The following FGGY variants were observed in gnomAD, a reference collection of about 807,000 sequenced individuals.
FGGY encodes FGGY carbohydrate kinase domain containing, also known as FGGY carbohydrate kinase domain-containing protein.
A neutral mutation model predicts 71.3 loss-of-function variants in FGGY; 72 were observed. The ratio of observed to expected loss-of-function variants is 1.01; its 90% CI spans 0.84 to 1.23. The LOEUF (loss-of-function observed/expected upper bound fraction) is 1.23, where lower values mean the gene tolerates loss of function less well. FGGY is among the 50% of genes most tolerant of loss of function. The pLI is 0.00. For synonymous variants in FGGY, 251 were observed against 250.3 expected (o/e 1.00, Z -0.02); for missense variants, 668 against 682.3 (o/e 0.98, Z 0.23).
At chr1:59,748,358 GCTT>G (rs1453144135) in intron 14 of FGGY, among the ~76,000 whole-genome samples, 3 of 152,202 alleles carry the variant, frequency 2.0e-5, no homozygotes, top group Admixed American at 6.5e-5. Context: ...AGAGTGCACT[GCTT>G]CTGCTAAGAG....
intron 6 of FGGY, among the ~76,000 whole-genome samples, chr1:59,467,044 G>A (rs369017785): frequency 5.9e-5 from 9 of 152,144 alleles, no homozygotes; most frequent in East Asian, 5.8e-4. Context: ...ATAAAGACAC[G>A]CGTACACGTA....
At chr1:59,315,665 T>C (rs2045309709) in intron 1 of FGGY, 1 of 150,026 alleles carries the variant, frequency 6.7e-6, no homozygotes, top group South Asian at 2.1e-4. Flanking sequence ...TTCCTTCCTT[T>C]GGATGCCACA....
intron 8 of FGGY, among the ~76,000 whole-genome samples, chr1:59,603,421 G>T (rs1031429401): frequency 1.3e-5 from 2 of 152,292 alleles, no homozygotes; most frequent in South Asian, 4.1e-4. Context: ...ATTGCCTGTG[G>T]TTGTTCAGCC....
At chr1:59,466,533 C>T (rs929681714) in intron 6 of FGGY, among the ~76,000 whole-genome samples, 25 of 152,138 alleles carry the variant, frequency 1.6e-4, no homozygotes, top group Non-Finnish European at 2.8e-4. Context: ...AGAGCTTCTG[C>T]ACAGCAAAAG....
At chr1:59,539,882 G>A (rs1365592202) in intron 7 of FGGY, among the ~76,000 whole-genome samples, 1 of 152,200 alleles carries the variant, frequency 6.6e-6, no homozygotes, top group East Asian at 1.9e-4. Context: ...TGTAAAGAAT[G>A]TCTACACATT....
intron 6 of FGGY, among the ~76,000 whole-genome samples, chr1:59,509,373 A>G (rs552434904): frequency 3.3e-5 from 5 of 152,292 alleles, no homozygotes; most frequent in African/African-American, 9.6e-5. Context: ...ATCCTCTGCT[A>G]TAATACTGCC....
At chr1:59,552,234 G>A (rs760030603) in intron 7 of FGGY, among the ~76,000 whole-genome samples, 6 of 152,198 alleles carry the variant, frequency 3.9e-5, no homozygotes, top group Non-Finnish European at 7.4e-5. Flanking sequence ...AAGTAGATAG[G>A]CTCTTGCTTC....
At chr1:59,485,616 TGTTTTGTAG>T (rs1447709705) in intron 6 of FGGY, among the ~76,000 whole-genome samples, 1 of 152,234 alleles carries the variant, frequency 6.6e-6, no homozygotes, top group African/African-American at 2.4e-5. Flanking sequence ...AGAAAATCAC[TGTTTTGTAG>T]ATTTGTAGCT....
chr1:59,456,189 C>G (rs1288141587), intron 5 of FGGY, among the ~76,000 whole-genome samples: 1 of 152,172 alleles, frequency 6.6e-6, no homozygotes, highest in East Asian at 1.9e-4. Flanking sequence ...ATTTACTTCT[C>G]CTTCTCATGT....
chr1:59,349,753 A>T (rs1056417788), intron 4 of FGGY, among the ~76,000 whole-genome samples: 1 of 152,060 alleles, frequency 6.6e-6, no homozygotes, highest in Non-Finnish European at 1.5e-5. Context: ...AAAATTAAAG[A>T]GATTTCTAAA....
intron 8 of FGGY, among the ~76,000 whole-genome samples, chr1:59,593,140 C>A (rs2096476719): frequency 6.6e-6 from 1 of 152,102 alleles, no homozygotes; most frequent in Non-Finnish European, 1.5e-5. Flanking sequence ...GGCCTGTGAC[C>A]ACAAGAACCG....
intron 2 of FGGY, among the ~76,000 whole-genome samples, chr1:59,328,428 T>C (rs2047823701): frequency 6.6e-6 from 1 of 152,246 alleles, no homozygotes; most frequent in African/African-American, 2.4e-5. Context: ...CTTTACAGAA[T>C]TGAAGAGTTA....
intron 6 of FGGY, among the ~76,000 whole-genome samples, chr1:59,511,625 C>T (rs1291512401): frequency 6.6e-6 from 1 of 151,202 alleles, no homozygotes; most frequent in Non-Finnish European, 1.5e-5. Flanking sequence ...CAATTCTTAA[C>T]TGAAGGCCTG....
intron 7 of FGGY, among the ~76,000 whole-genome samples, chr1:59,537,001 A>T (rs2095334534): frequency 6.6e-6 from 1 of 152,092 alleles, no homozygotes; most frequent in Non-Finnish European, 1.5e-5. Flanking sequence ...GGCCAGGGCA[A>T]TCAGGTAGGA....
At chr1:59,365,827 T>C (rs1014911398) in intron 4 of FGGY, among the ~76,000 whole-genome samples, 44 of 152,246 alleles carry the variant, frequency 2.9e-4, no homozygotes, top group Admixed American at 9.2e-4. Context: ...TGTTGACTTA[T>C]CAGGCACTTT....
chr1:59,663,297 A>G (rs985685445), intron 12 of FGGY, among the ~76,000 whole-genome samples: 2 of 152,122 alleles, frequency 1.3e-5, no homozygotes, highest in African/African-American at 4.8e-5. Flanking sequence ...TGCTCTTTCC[A>G]CTTTACCATG....
chr1:59,738,562 T>C (rs2098123608), intron 14 of FGGY, among the ~76,000 whole-genome samples: 1 of 152,170 alleles, frequency 6.6e-6, no homozygotes, highest in South Asian at 2.1e-4. Flanking sequence ...AAAACTAGAA[T>C]AATCATGATT....
At chr1:59,537,557 G>C (rs2153679778) in intron 7 of FGGY, among the ~76,000 whole-genome samples, 1 of 152,222 alleles carries the variant, frequency 6.6e-6, no homozygotes, top group East Asian at 1.9e-4. Flanking sequence ...TAAACCAAAA[G>C]AACAAAGCTG....
intron 8 of FGGY, among the ~76,000 whole-genome samples, chr1:59,591,017 C>T (rs1403875993): frequency 2.6e-5 from 4 of 152,150 alleles, no homozygotes; most frequent in Admixed American, 6.5e-5. Context: ...TTGCAGATGA[C>T]GTGATTGTAT....
Sources: gnomAD v4.1 joint callset for allele counts (sites outside exome capture counted in the v4.1 genomes callset) on GRCh38, gnomAD v4.1.1 for gene constraint, MANE v1.5 for transcripts, NCBI Gene and HGNC (gene_info 2026-07-23, HGNC 2026-07-21) for gene names.